Variants in COBL observed in about 807,000 individuals in gnomAD.
COBL encodes protein cordon-bleu.
A neutral mutation model predicts 98.8 loss-of-function variants in COBL; 51 were observed. The observed-to-expected ratio is 0.52, with a 90% CI of 0.41 to 0.65. The LOEUF (loss-of-function observed/expected upper bound fraction) is 0.65. Ranked by LOEUF, COBL falls within the 30% of genes least tolerant of loss-of-function variation. The pLI is 0.00. For missense variants in COBL, 1,617 were observed against 1,617.5 expected (o/e 1.00, Z 0.01); for synonymous variants, 634 against 651.7 (o/e 0.97, Z 0.41).
chr7:51,296,213 G>C (rs534916773), intron 1 of COBL, among the ~76,000 whole-genome samples: 33 of 152,208 alleles, frequency 2.2e-4, no homozygotes, highest in African/African-American at 5.8e-4. Context: ...CAGCACATAG[G>C]TGAATTTTAA....
At chr7:51,212,758 C>T (rs978259274) in intron 2 of COBL, among the ~76,000 whole-genome samples, 4 of 152,192 alleles carry the variant, frequency 2.6e-5, no homozygotes, top group Admixed American at 6.5e-5. Context: ...AACTTTAACA[C>T]GCAATCTGAA....
At chr7:51,121,375 T>C (rs1797723050) in intron 6 of COBL, among the ~76,000 whole-genome samples, 1 of 152,244 alleles carries the variant, frequency 6.6e-6, no homozygotes, top group Non-Finnish European at 1.5e-5. Context: ...TTGTTTGTTT[T>C]TTGTTGTTGA....
Position 51,028,311 on chromosome 7 carries a change from C to T in COBL, c.2785G>A (p.Ala929Thr), listed in dbSNP as rs371339657. 3.7e-6 allele frequency: 6 copies of T among 1,614,148 alleles called. No individual in the cohort carries two copies. In the African/African-American group the frequency reaches 6.7e-5, roughly 18 times the overall value. ...GGAGGAGTGACACAGGGCCACTGGGCACCATCCTTCCATCCTTGTGTCTCT... is the reference window on the plus strand; with the variant it reads ...GGAGGAGTGACACAGGGCCACTGGGTACCATCCTTCCATCCTTGTGTCTCT... ...HSETQGWKDG[A>T]QWPCVTPPNN... is the part of the protein sequence containing the mutation. Residue 929 changes from alanine to threonine, a missense_variant, in exon 10 of 13, where the codon GCC becomes ACC. Coordinates refer to ENST00000265136, the MANE Select transcript of COBL (RefSeq NM_015198.5).
intron 9 of COBL, among the ~76,000 whole-genome samples, chr7:51,030,457 T>C (rs1788029836): frequency 6.6e-6 from 1 of 152,220 alleles, no homozygotes. Context: ...AGATATGCCA[T>C]ATATCAACAA....
At chr7:51,241,170 G>C (rs1795754180) in intron 1 of COBL, among the ~76,000 whole-genome samples, 1 of 152,238 alleles carries the variant, frequency 6.6e-6, no homozygotes, top group Non-Finnish European at 1.5e-5. Context: ...AGGATTATTA[G>C]AGAGAGCAAA....
intron 1 of COBL, among the ~76,000 whole-genome samples, chr7:51,227,054 G>GT (rs1474017097): frequency 6.6e-5 from 10 of 152,120 alleles, no homozygotes. Context: ...AAGCACCGGG[G>GT]TTCCTGGCAG....
chr7:51,087,567 C>T (rs540276533), intron 6 of COBL, among the ~76,000 whole-genome samples: 392 of 152,040 alleles, frequency 2.6e-3, no homozygotes, highest in East Asian at 8.4e-3. Context: ...GGCGCGATCT[C>T]GGGTTCCAGT....
intron 1 of COBL, among the ~76,000 whole-genome samples, chr7:51,247,730 A>G (rs1029332778): frequency 6.6e-6 from 1 of 152,204 alleles, no homozygotes; most frequent in Admixed American, 6.5e-5. Context: ...TTCTTGCCAT[A>G]TTCGACCCTA....
At chr7:51,288,097 A>C (rs1363734975) in intron 1 of COBL, among the ~76,000 whole-genome samples, 1 of 152,206 alleles carries the variant, frequency 6.6e-6, no homozygotes, top group Non-Finnish European at 1.5e-5. Context: ...TTATGAAAGA[A>C]GTCAACTGGA....
chr7:51,193,310 C>G (rs1270717731), intron 3 of COBL, 69 bp downstream of exon 3: 19 of 1,384,458 alleles, frequency 1.4e-5, no homozygotes, highest in Non-Finnish European at 1.0e-6. Flanking sequence ...TAAGAAGAGC[C>G]ACACTGGCCC....
intron 5 of COBL, among the ~76,000 whole-genome samples, chr7:51,141,379 C>T (rs1799729539): frequency 1.3e-5 from 2 of 152,124 alleles, no homozygotes; most frequent in South Asian, 4.1e-4. Context: ...GGGATCAGAT[C>T]CTCTTAGAAG....
At chr7:51,073,297 G>A in intron 7 of COBL, 1 of 676,166 alleles carries the variant, frequency 1.5e-6, no homozygotes. Flanking sequence ...AGCCAGGGCA[G>A]AAGAGACACT....
chr7:51,150,034 C>T (rs1272277680), intron 5 of COBL, among the ~76,000 whole-genome samples: 1 of 152,198 alleles, frequency 6.6e-6, no homozygotes, highest in Non-Finnish European at 1.5e-5. Context: ...GAGATACTTC[C>T]AGGCATGCAT....
At chr7:51,079,494 G>A (rs1765387872) in intron 7 of COBL, among the ~76,000 whole-genome samples, 1 of 152,214 alleles carries the variant, frequency 6.6e-6, no homozygotes, top group African/African-American at 2.4e-5. Flanking sequence ...ATATAAATAT[G>A]AATAAAACAG....
chr7:51,294,804 T>C (rs1473357467), intron 1 of COBL, among the ~76,000 whole-genome samples: 3 of 152,094 alleles, frequency 2.0e-5, no homozygotes, highest in Non-Finnish European at 2.9e-5. Flanking sequence ...ATTGTCCTTG[T>C]ACATGGTCTA....
intron 5 of COBL, among the ~76,000 whole-genome samples, chr7:51,138,351 T>C (rs909595187): frequency 6.6e-6 from 1 of 152,162 alleles, no homozygotes; most frequent in African/African-American, 2.4e-5. Context: ...TCCACCTCCA[T>C]GGCAACAGGG....
intron 2 of COBL, among the ~76,000 whole-genome samples, chr7:51,206,978 T>C (rs911645775): frequency 5.9e-5 from 9 of 152,236 alleles, no homozygotes; most frequent in Non-Finnish European, 1.3e-4. Context: ...TACTGCACTG[T>C]ATACTTGAAA....
intron 1 of COBL, among the ~76,000 whole-genome samples, chr7:51,294,760 A>G (rs1801254448): frequency 6.6e-6 from 1 of 152,126 alleles, no homozygotes; most frequent in Admixed American, 6.6e-5. Flanking sequence ...GTCCAGCAAT[A>G]TAAGCATGTT....
At position 51,219,964 on chromosome 7, in the gene COBL, A is replaced by T. The variant is rs892091542; in HGVS notation, c.42-20T>A. The T allele has an allele frequency of 1.1e-5, 17 of 1,602,134 alleles. No homozygotes were observed. The highest frequency in any genetic ancestry group is 1.4e-5 in the Non-Finnish European group (17 of 1,174,228). On this transcript the variant is annotated intron_variant, in intron 1 of 12. Transcript: ENST00000265136. ...TTCCTCCTTAAAAACAACAACACAA[A>T]GGCACAGAGTCAGTGGCAATGTTCC...
Sources: allele counts gnomAD v4.1 joint callset (sites outside exome capture counted in the v4.1 genomes callset), GRCh38; gene constraint gnomAD v4.1.1; transcripts MANE v1.5; gene names NCBI Gene and HGNC (gene_info 2026-07-23, HGNC 2026-07-21).